The following SIPA1L2 variants were observed in gnomAD, a reference collection of about 807,000 sequenced individuals.
SIPA1L2 encodes the protein signal induced proliferation associated 1 like 2, also known as signal-induced proliferation-associated 1-like protein 2.
In SIPA1L2, 56 loss-of-function variants were observed where a neutral mutation model predicts 163.9. That is an observed-to-expected ratio of 0.34 (90% CI 0.28 to 0.43). SIPA1L2 has a LOEUF of 0.43. SIPA1L2 is among the 20% of genes least tolerant of loss of function. SIPA1L2 has a pLI of 1.00. For synonymous variants in SIPA1L2, 877 were observed against 865.7 expected (o/e 1.01, Z -0.23); for missense variants, 1,974 against 2,193.5 (o/e 0.90, Z 2.00).
Position 232,428,539 on chromosome 1 carries a change from A to T in SIPA1L2, c.4282T>A (p.Ser1428Thr). ...ACTGTCTGATGCTGAGTTGCTGTGG[A>T]CATGACATCCATCTCACTATACATC... ...PGMYSEMDVM[S>T]TATQHQTVVG... The change falls in exon 17 of 23, where the codon TCC becomes ACC. Residue 1428 changes from serine (S) to threonine (T), a missense_variant. By Grantham distance (58) the Ser-to-Thr change is moderately conservative. Around this residue, in one of 3 missense-constraint regions of SIPA1L2, gnomAD observed 1,079 missense variants for 1,150.7 expected, o/e 0.94. Transcript: ENST00000674635. 6.3e-7 allele frequency: 1 copy of T among 1,583,110 alleles called. No homozygotes were observed.
chr1:232,476,653 C>T (rs1665064053), intron 7 of SIPA1L2, among the ~76,000 whole-genome samples: 1 of 152,142 alleles, frequency 6.6e-6, no homozygotes, highest in Admixed American at 6.6e-5. Context: ...GAGAAAATAA[C>T]TCCAAGAGCA....
intron 2 of SIPA1L2, among the ~76,000 whole-genome samples, chr1:232,546,135 T>G (rs564717792): frequency 6.6e-6 from 1 of 152,220 alleles, no homozygotes; most frequent in Non-Finnish European, 1.5e-5. Context: ...GTGATTTGGA[T>G]AGATAAATTG....
intron 2 of SIPA1L2, among the ~76,000 whole-genome samples, chr1:232,568,955 C>T (rs1374731832): frequency 6.6e-6 from 1 of 152,176 alleles, no homozygotes; most frequent in Non-Finnish European, 1.5e-5. Context: ...GCTTTTTCCC[C>T]TTTAGATTAC....
intron 17 of SIPA1L2, 59 bp downstream of exon 17, chr1:232,428,350 CTT>C (rs34949132): frequency 0.088 from 72,161 of 822,330 alleles, 231 homozygotes; most frequent in East Asian, 0.16. Flanking sequence ...TTTCTTTAGA[CTT>C]TTTTTTTTTT....
At chr1:232,497,026 T>C (rs1315402119) in intron 3 of SIPA1L2, among the ~76,000 whole-genome samples, 1 of 152,192 alleles carries the variant, frequency 6.6e-6, no homozygotes, top group African/African-American at 2.4e-5. Flanking sequence ...TATGGTAAGA[T>C]AGAGAGCCCC....
intron 1 of SIPA1L2, among the ~76,000 whole-genome samples, chr1:232,596,136 A>G (rs1001359594): frequency 1.3e-5 from 2 of 152,208 alleles, no homozygotes; most frequent in Admixed American, 6.5e-5. Context: ...AGAAGGTTCT[A>G]GCTTAAAACT....
intron 2 of SIPA1L2, among the ~76,000 whole-genome samples, chr1:232,573,773 A>C (rs1659934093): frequency 6.6e-6 from 1 of 152,144 alleles, no homozygotes; most frequent in African/African-American, 2.4e-5. Context: ...TCCAGGGCAC[A>C]TCCTATTCGG....
rs78127415 is a variant in SIPA1L2, at chr1:232,613,698, T to G, written c.-319+16171A>C. On this transcript the variant is annotated intron_variant, in intron 1 of 22. Coordinates refer to ENST00000674635, the MANE Select transcript of SIPA1L2 (RefSeq NM_020808.5). Reference sequence around the variant, plus strand: ...TTAAGTTAAAATTCAAGAACAAAATTTATGTGTGTGCGTGTGTGTGTATAA... The same window carrying G: ...TTAAGTTAAAATTCAAGAACAAAATGTATGTGTGTGCGTGTGTGTGTATAA... Among the ~76,000 whole-genome samples the G allele has an allele frequency of 1.2e-3, 189 of 152,076 alleles. 3 individuals are homozygous for G. The South Asian group carries it at 0.029, about 23-fold the overall frequency.
chr1:232,526,956 G>A (rs1427144957), intron 2 of SIPA1L2, among the ~76,000 whole-genome samples: 2 of 152,224 alleles, frequency 1.3e-5, no homozygotes, highest in East Asian at 1.9e-4. Context: ...TTCCCATACC[G>A]CCGTCTTCTT....
At chr1:232,600,774 A>T (rs16857753) in intron 1 of SIPA1L2, among the ~76,000 whole-genome samples, 1 of 151,944 alleles carries the variant, frequency 6.6e-6, no homozygotes, top group African/African-American at 2.4e-5. Context: ...GTTCCAGAGC[A>T]GAAGGTGGCA....
intron 22 of SIPA1L2, among the ~76,000 whole-genome samples, chr1:232,401,303 C>T (rs1001207222): frequency 1.3e-5 from 2 of 152,174 alleles, no homozygotes; most frequent in East Asian, 3.9e-4. Flanking sequence ...ACTGGGACAG[C>T]TGGTCACCCA....
chr1:232,522,026 C>T (rs1332609220), intron 2 of SIPA1L2, among the ~76,000 whole-genome samples: 1 of 152,102 alleles, frequency 6.6e-6, no homozygotes, highest in Non-Finnish European at 1.5e-5. Flanking sequence ...AGGTGCCCAA[C>T]CCAAACACCC....
intron 2 of SIPA1L2, among the ~76,000 whole-genome samples, chr1:232,551,040 T>C (rs867279488): frequency 1.8e-4 from 27 of 152,164 alleles, no homozygotes; most frequent in Middle Eastern, 3.4e-3. Context: ...CGAATGGGAA[T>C]CCTCCTACCA....
At position 232,483,954 on chromosome 1, in the gene SIPA1L2, G is replaced by A; in HGVS notation, c.1819C>T (p.His607Tyr). 6.2e-7 allele frequency: 1 copy of A among 1,608,968 alleles called. No homozygotes were observed. The highest frequency in any genetic ancestry group is 1.1e-5 in the South Asian group (1 of 89,496). ...KLDEQGLSFQ[H>Y]KIGILYCKAG... ...TTGCAATAAAGGATCCCGATCTTGT[G>A]CTGAAAGCTCAGCTGAAATGGGGGA... Residue 607 changes from histidine (H) to tyrosine (Y), a missense_variant, in exon 6 of 23, where the codon CAC becomes TAC. Physicochemically the swap from His to Tyr is moderately conservative, Grantham distance 83. Coordinates refer to ENST00000674635, the MANE Select transcript of SIPA1L2 (RefSeq NM_020808.5).
chr1:232,607,910 C>T (rs956913225), intron 1 of SIPA1L2, among the ~76,000 whole-genome samples: 14 of 151,842 alleles, frequency 9.2e-5, no homozygotes, highest in Non-Finnish European at 1.8e-4. Flanking sequence ...ACAAAATTAG[C>T]TGGGCGGGGT....
intron 19 of SIPA1L2, among the ~76,000 whole-genome samples, chr1:232,408,234 G>A (rs910146998): frequency 2.0e-5 from 3 of 151,018 alleles, no homozygotes; most frequent in African/African-American, 7.3e-5. Flanking sequence ...TTACAGCATG[G>A]GGGAGGCACA....
Position 232,430,850 on chromosome 1 carries a change from C to A in SIPA1L2, c.4256+1397G>T, listed in dbSNP as rs556345234. Among the ~76,000 whole-genome samples the A allele has an allele frequency of 5.3e-5, 8 of 152,298 alleles. No homozygotes were observed. The South Asian group carries it at 1.5e-3, about 28-fold the overall frequency. ...GAGCATGTGTGGGGACTGCCATTTGCCCTTCCATACCACAGGGGTCCCCAG... is the reference window on the plus strand; with the variant it reads ...GAGCATGTGTGGGGACTGCCATTTGACCTTCCATACCACAGGGGTCCCCAG... On this transcript the variant is annotated intron_variant, in intron 16 of 22. Coordinates refer to ENST00000674635, the MANE Select transcript of SIPA1L2 (RefSeq NM_020808.5).
In SIPA1L2 at chr1:232,625,968, G is replaced by T. The variant is rs1232139826; in HGVS notation, c.-319+3901C>A. Among the ~76,000 whole-genome samples the T allele has an allele frequency of 2.0e-5, 3 of 152,108 alleles. No individual in the cohort carries two copies. The East Asian group carries it at 5.8e-4, about 29-fold the overall frequency. ...GAATTTTTCATTGACCCATGCAAAA[G>T]AAAAAAGTGTCTGTGTGGGGATAGA... On this transcript the variant is annotated intron_variant, in intron 1 of 22. Coordinates refer to ENST00000674635, the MANE Select transcript of SIPA1L2 (RefSeq NM_020808.5).
At chr1:232,404,343 C>T (rs1439467808) in intron 19 of SIPA1L2, among the ~76,000 whole-genome samples, 165 bp from the exon 20 acceptor site, 1 of 152,094 alleles carries the variant, frequency 6.6e-6, no homozygotes, top group South Asian at 2.1e-4. Context: ...TGAGATGACA[C>T]ATTTCATGTT....
Sources: allele counts gnomAD v4.1 joint callset (sites outside exome capture counted in the v4.1 genomes callset), GRCh38; gene constraint gnomAD v4.1.1; regional missense constraint gnomAD v4.1.1; transcripts MANE v1.5; gene names NCBI Gene and HGNC (gene_info 2026-07-23, HGNC 2026-07-21).